SCIMP: variants seen among roughly 807,000 people sequenced by gnomAD.
SCIMP encodes SLP adaptor and CSK interacting membrane protein.
Under a neutral mutation model 22.0 loss-of-function variants are expected in SCIMP, and 18 were observed. That is an observed-to-expected ratio of 0.82 (90% confidence interval 0.56 to 1.21). The LOEUF (loss-of-function observed/expected upper bound fraction) is 1.21, where lower values mean the gene tolerates loss of function less well. Among genes scored for constraint, SCIMP ranks in the 50% most tolerant of loss-of-function variants. The probability of loss-of-function intolerance (pLI) is 0.00; values close to 1 mark genes in which losing one functional copy is unlikely to be tolerated. For missense variants in SCIMP, 155 were observed against 171.2 expected (o/e 0.91, Z 0.53); for synonymous variants, 53 against 62.2 (o/e 0.85, Z 0.70).
At chr17:5,220,432 CAA>C (rs908309110) in intron 3 of SCIMP, among the ~76,000 whole-genome samples, 1,560 of 63,626 alleles carry the variant, frequency 0.025, 13 homozygotes, top group Non-Finnish European at 0.038. Context: ...ACCCCATCTC[CAA>C]AAAAAAAAAA....
intron 4 of SCIMP, 116 bp downstream of exon 4, chr17:5,214,784 GAGCCGAGATCGTGCCATTGCACTCC>G: frequency 1.7e-6 from 1 of 574,576 alleles, no homozygotes; most frequent in East Asian, 2.9e-5. Context: ...AGCTTGCAGT[GAGCCGAGATCGTGCCATTGCACTCC>G]AGCCTGGGTG....
At chr17:5,214,422 G>C (rs967736277) in intron 4 of SCIMP, 1 of 153,332 alleles carries the variant, frequency 6.5e-6, no homozygotes, top group Non-Finnish European at 1.4e-5. Context: ...CAGGCGTGGT[G>C]GTGGGCACCT....
At chr17:5,227,143 A>G (rs2074655291) in intron 1 of SCIMP, among the ~76,000 whole-genome samples, 2 of 152,188 alleles carry the variant, frequency 1.3e-5, no homozygotes, top group South Asian at 4.2e-4. Context: ...AAGGATCGCA[A>G]AGAAGTGTTT....
rs533555845 is a variant in SCIMP at position 5,221,019 on chromosome 17, A to G, written c.209+268T>C. ...GCTGCAGTGAGCCGAGATCGTGCCA[A>G]TGCACTCCAGCCTGGGCGACAGAGC... is the stretch of plus-strand genomic sequence containing the variant. On this transcript the variant is annotated intron_variant, in intron 3 of 4. Coordinates refer to ENST00000574081, the MANE Select transcript of SCIMP (RefSeq NM_207103.3). 2.5e-4 allele frequency: 136 copies of G among 549,564 alleles called. 1 individual carries two copies. Among genetic ancestry groups the G allele is most frequent in the African/African-American group, 1.5e-3 (79 of 52,472 alleles). 34.0% of individuals were successfully genotyped at this position (549,564 alleles called of 1,614,324 possible). A position where few individuals can be genotyped will look rare whatever the true frequency, so the allele number is the denominator to read the frequency against.
chr17:5,217,146 A>T (rs2074571013), intron 3 of SCIMP, among the ~76,000 whole-genome samples: 1 of 152,082 alleles, frequency 6.6e-6, no homozygotes, highest in South Asian at 2.1e-4. Context: ...AATTTGGGAA[A>T]AGTCTAGCTC....
intron 2 of SCIMP, 121 bp downstream of exon 2, chr17:5,223,212 T>A: frequency 9.6e-7 from 1 of 1,044,030 alleles, no homozygotes; most frequent in Non-Finnish European, 1.4e-6. Context: ...GAATGCAAGA[T>A]GCTTAATCCA....
intron 1 of SCIMP, among the ~76,000 whole-genome samples, chr17:5,232,027 G>A (rs148442836): frequency 6.6e-6 from 1 of 151,806 alleles, no homozygotes; most frequent in African/African-American, 2.4e-5. Context: ...CTGCACTCCA[G>A]CCTGGGCGAC....
At chr17:5,226,201 G>C (rs2074647428) in intron 1 of SCIMP, among the ~76,000 whole-genome samples, 2 of 152,116 alleles carry the variant, frequency 1.3e-5, no homozygotes, top group Admixed American at 6.6e-5. Context: ...AGGGGCTGTT[G>C]CTTTTCGTTA....
chr17:5,228,552 A>G (rs965497552), intron 1 of SCIMP, among the ~76,000 whole-genome samples: 1 of 150,764 alleles, frequency 6.6e-6, no homozygotes, highest in Admixed American at 6.6e-5. Flanking sequence ...AGCTTAGGTG[A>G]GAGGATTGCT....
rs71151849 is a variant in SCIMP, at chr17:5,229,384, C to CTTTT, written c.21+5347_21+5350dup. Among the ~76,000 whole-genome samples, 14 of 59,310 alleles carry CTTTT rather than the reference C, an allele frequency of 2.4e-4. 2 individuals are homozygous for CTTTT. Among genetic ancestry groups the CTTTT allele is most frequent in the African/African-American group, 8.1e-4 (11 of 13,662 alleles). 38.9% of individuals were successfully genotyped at this position (59,310 alleles called of 152,430 possible). On this transcript the variant is annotated intron_variant, in intron 1 of 4. Coordinates refer to ENST00000574081, the MANE Select transcript of SCIMP (RefSeq NM_207103.3). ...TTTCTGAGACTGTGGGTTTATTTAG[C>CTTTT]TTTTTTTTTTTTTTTTTTTTTTTTT...
chr17:5,217,380 T>TTGTGTGTG (rs10554192), intron 3 of SCIMP, among the ~76,000 whole-genome samples: 4 of 148,944 alleles, frequency 2.7e-5, no homozygotes, highest in Middle Eastern at 6.4e-3. Context: ...TTTTGTTTGC[T>TTGTGTGTG]TGTGTGTGTG....
intron 1 of SCIMP, among the ~76,000 whole-genome samples, chr17:5,230,959 A>G (rs1384064282): frequency 1.3e-5 from 2 of 152,194 alleles, no homozygotes; most frequent in Admixed American, 6.6e-5. Context: ...AAAAAAGCCT[A>G]TAGAGCTAAA....
rs374366514 is a variant in SCIMP at position 5,234,717 on chromosome 17, G to A, written c.21+18C>T. ...GAAGAGAGCAGGAAACTGTCCCTTG[G>A]AAAGCTGAGATGCTTACCTGAACTG... is the stretch of plus-strand genomic sequence containing the variant. On this transcript the variant is annotated intron_variant, in intron 1 of 4. Coordinates refer to ENST00000574081, the MANE Select transcript of SCIMP (RefSeq NM_207103.3). The A allele has an allele frequency of 4.2e-4, 684 of 1,611,564 alleles. No homozygotes were observed. The highest frequency in any genetic ancestry group is 5.4e-4 in the Admixed American group (32 of 59,610).
intron 1 of SCIMP, among the ~76,000 whole-genome samples, chr17:5,228,705 A>G (rs1045294437): frequency 7.2e-5 from 11 of 151,844 alleles, no homozygotes; most frequent in African/African-American, 2.4e-4. Context: ...TGACAGTGAC[A>G]GTTGTCTCTT....
chr17:5,224,325 G>C (rs1346223496), intron 1 of SCIMP, among the ~76,000 whole-genome samples: 4 of 151,984 alleles, frequency 2.6e-5, no homozygotes, highest in African/African-American at 9.7e-5. Context: ...TTTTAGTAGA[G>C]ACGGGGTTTC....
At chr17:5,224,975 C>T (rs768774993) in intron 1 of SCIMP, among the ~76,000 whole-genome samples, 4 of 151,944 alleles carry the variant, frequency 2.6e-5, no homozygotes, top group Non-Finnish European at 5.9e-5. Context: ...GACCAGAGAC[C>T]GGGAAAGTCT....
At chr17:5,233,086 G>A (rs1479994380) in intron 1 of SCIMP, among the ~76,000 whole-genome samples, 1 of 152,116 alleles carries the variant, frequency 6.6e-6, no homozygotes, top group African/African-American at 2.4e-5. Context: ...AAACCCAAGT[G>A]TGCATGGGGA....
chr17:5,229,870 C>G (rs1271832715), intron 1 of SCIMP, among the ~76,000 whole-genome samples: 1 of 142,346 alleles, frequency 7.0e-6, no homozygotes, highest in Non-Finnish European at 1.5e-5. Flanking sequence ...CCTTTCTCCT[C>G]TCTGCTCCTC....
chr17:5,214,855 AAAAAAAAG>A (rs771897764), intron 4 of SCIMP, 62 bp downstream of exon 4: 1 of 763,628 alleles, frequency 1.3e-6, no homozygotes, highest in East Asian at 2.7e-5. Context: ...AAAAAAAAAA[AAAAAAAAG>A]ACACCTTGAT....
Sources: allele counts gnomAD v4.1 joint callset (sites outside exome capture counted in the v4.1 genomes callset), GRCh38; gene constraint gnomAD v4.1.1; transcripts MANE v1.5; gene names NCBI Gene and HGNC (gene_info 2026-07-23, HGNC 2026-07-21).